IL1RAPL1: variants seen among roughly 807,000 people sequenced by gnomAD.
The protein encoded by IL1RAPL1 is interleukin-1 receptor accessory protein-like 1.
IL1RAPL1 carries 3 observed loss-of-function variants against 48.4 expected under a neutral mutation model. The ratio of observed to expected loss-of-function variants is 0.06; its 90% CI spans 0.03 to 0.16. The LOEUF (loss-of-function observed/expected upper bound fraction) is 0.16. Ranked by LOEUF, IL1RAPL1 falls within the 10% of genes least tolerant of loss-of-function variation. The pLI is 1.00. For missense variants in IL1RAPL1, 349 were observed against 530.6 expected (o/e 0.66, Z 3.36); for synonymous variants, 185 against 187.7 (o/e 0.99, Z 0.12).
At chrX:29,629,662 C>T (rs1459431508) in intron 5 of IL1RAPL1, among the ~76,000 whole-genome samples, 1 of 112,152 alleles carries the variant, frequency 8.9e-6, no homozygotes. Context: ...TGAAGAAATG[C>T]ATTTAGTTCC....
intron 6 of IL1RAPL1, among the ~76,000 whole-genome samples, chrX:29,904,154 G>A (rs1932559099): frequency 9.0e-6 from 1 of 111,521 alleles, no homozygotes; most frequent in Non-Finnish European, 1.9e-5. Flanking sequence ...AGAGATGAGA[G>A]GTGGAGGAGT....
chrX:29,391,948 G>A (rs1199009667), intron 3 of IL1RAPL1, among the ~76,000 whole-genome samples: 1 of 112,138 alleles, frequency 8.9e-6, no homozygotes, highest in Non-Finnish European at 1.9e-5. Context: ...TGAAGACATT[G>A]AAAGAAGTAA....
intron 5 of IL1RAPL1, among the ~76,000 whole-genome samples, chrX:29,656,880 G>A (rs1158376301): frequency 4.5e-5 from 5 of 111,099 alleles, no homozygotes; most frequent in African/African-American, 1.6e-4. Context: ...TGGTGGTGGT[G>A]GTCATTCTTC....
At chrX:29,647,840 A>G (rs1422740978) in intron 5 of IL1RAPL1, among the ~76,000 whole-genome samples, 1 of 112,150 alleles carries the variant, frequency 8.9e-6, no homozygotes, top group African/African-American at 3.2e-5. Context: ...TAAATTATCC[A>G]GTCAAAGATA....
chrX:29,270,429 T>A (rs1196349980), intron 2 of IL1RAPL1, among the ~76,000 whole-genome samples: 1 of 112,266 alleles, frequency 8.9e-6, no homozygotes, highest in Non-Finnish European at 1.9e-5. Flanking sequence ...GGATCCATGA[T>A]CCTTTTTAGG....
At chrX:29,125,286 A>G (rs1928875954) in intron 2 of IL1RAPL1, among the ~76,000 whole-genome samples, 1 of 112,296 alleles carries the variant, frequency 8.9e-6, no homozygotes, top group Non-Finnish European at 1.9e-5. Context: ...TCTGTAGTTA[A>G]TTGGTAGAAA....
rs148162868 is a variant in IL1RAPL1 at position 29,253,921 on chromosome X, A to G, written c.83-29017A>G. Among the ~76,000 whole-genome samples the G allele has an allele frequency of 2.8e-4, 31 of 111,811 alleles. No homozygotes were observed. In the East Asian group the frequency reaches 8.4e-3, roughly 30 times the overall value. On this transcript the variant is annotated intron_variant, in intron 2 of 10. Coordinates refer to ENST00000378993, the MANE Select transcript of IL1RAPL1 (RefSeq NM_014271.4). ...AAAGGTAAATAGGTGAGTAGCCCCA[A>G]TTGAATGTATAATATTAATGAAAGT... is the stretch of plus-strand genomic sequence containing the variant.
At chrX:29,301,732 A>C (rs1052193366) in intron 3 of IL1RAPL1, among the ~76,000 whole-genome samples, 1 of 111,520 alleles carries the variant, frequency 9.0e-6, no homozygotes, top group Non-Finnish European at 1.9e-5. Context: ...ACAGTCAACC[A>C]GGCAAACAGA....
In IL1RAPL1 at chrX:29,246,250, A is replaced by C. The variant is rs1354599358; in HGVS notation, c.83-36688A>C. 1.3e-4 allele frequency among the ~76,000 whole-genome samples: 13 copies of C among 103,285 alleles called. No homozygotes were observed. The Admixed American group carries it at 1.4e-3, about 11-fold the overall frequency. The allele number at this position is 103,285 out of a possible 115,157, so 89.7% of individuals were successfully genotyped here. ...AAAAAGAGATGATTGCCAAGTGGTT[A>C]ATTAGCCTTCTGCCAGGTCTTCCCC... On this transcript the variant is annotated intron_variant, in intron 2 of 10. Transcript: ENST00000378993.
intron 1 of IL1RAPL1, among the ~76,000 whole-genome samples, chrX:28,749,961 T>G (rs2147245409): frequency 9.1e-6 from 1 of 109,872 alleles, no homozygotes; most frequent in African/African-American, 3.3e-5. Context: ...TTCTACATTT[T>G]TTTTTTTTTG....
chrX:29,668,098 G>A (rs1445619019), intron 5 of IL1RAPL1, among the ~76,000 whole-genome samples: 1 of 111,749 alleles, frequency 8.9e-6, no homozygotes, highest in African/African-American at 3.2e-5. Flanking sequence ...AAAAAATGCA[G>A]GACATCCCAT....
At chrX:29,116,022 G>A (rs1277020022) in intron 2 of IL1RAPL1, among the ~76,000 whole-genome samples, 1 of 111,152 alleles carries the variant, frequency 9.0e-6, no homozygotes, top group African/African-American at 3.3e-5. Flanking sequence ...GAACCTTTAT[G>A]AATAATAACT....
At chrX:29,401,699 A>C (rs1933994735) in intron 5 of IL1RAPL1, among the ~76,000 whole-genome samples, 1 of 109,288 alleles carries the variant, frequency 9.2e-6, no homozygotes, top group African/African-American at 3.3e-5. Flanking sequence ...AAAAAGAGGA[A>C]TCCTATACGT....
At chrX:29,511,758 T>C (rs1935395723) in intron 5 of IL1RAPL1, among the ~76,000 whole-genome samples, 1 of 111,608 alleles carries the variant, frequency 9.0e-6, no homozygotes, top group Admixed American at 9.6e-5. Flanking sequence ...ATTTCTGGTG[T>C]GACCATATTC....
intron 5 of IL1RAPL1, among the ~76,000 whole-genome samples, chrX:29,598,257 A>T (rs1272820611): frequency 8.9e-6 from 1 of 112,091 alleles, no homozygotes; most frequent in African/African-American, 3.2e-5. Flanking sequence ...TAATTTTAAA[A>T]TTTTCATCTT....
chrX:29,621,418 A>G (rs1192170426), intron 5 of IL1RAPL1, among the ~76,000 whole-genome samples: 2 of 111,069 alleles, frequency 1.8e-5, no homozygotes, highest in South Asian at 7.5e-4. Context: ...GTGTAATTGG[A>G]TATATATGAT....
chrX:29,009,312 A>G (rs1293395231), intron 2 of IL1RAPL1, among the ~76,000 whole-genome samples: 1 of 111,943 alleles, frequency 8.9e-6, no homozygotes, highest in African/African-American at 3.2e-5. Context: ...CAATTTACTC[A>G]TGTAACAAAC....
intron 2 of IL1RAPL1, among the ~76,000 whole-genome samples, chrX:29,073,111 G>A (rs973442422): frequency 8.9e-6 from 1 of 112,053 alleles, no homozygotes; most frequent in Non-Finnish European, 1.9e-5. Flanking sequence ...GGGAAGTGGA[G>A]ATATGTATCT....
At chrX:29,613,033 G>A (rs7885848) in intron 5 of IL1RAPL1, among the ~76,000 whole-genome samples, 5,913 of 111,449 alleles carry the variant, frequency 0.053, 376 homozygotes, top group African/African-American at 0.18. Context: ...GTCTGTTTTA[G>A]AAGTCTGGCT....
Sources: allele counts gnomAD v4.1 joint callset (sites outside exome capture counted in the v4.1 genomes callset), GRCh38; gene constraint gnomAD v4.1.1; transcripts MANE v1.5; gene names NCBI Gene and HGNC (gene_info 2026-07-23, HGNC 2026-07-21).